The following PCCA variants were observed in gnomAD, a reference collection of about 807,000 sequenced individuals.
The protein encoded by PCCA is propionyl-CoA carboxylase subunit alpha.
PCCA carries 74 observed loss-of-function variants against 101.3 expected under a neutral mutation model. That is an observed-to-expected ratio of 0.73 (90% confidence interval 0.61 to 0.89). The LOEUF is 0.89. PCCA is among the 40% of genes least tolerant of loss of function. The pLI is 0.00. For synonymous variants in PCCA, 294 were observed against 313.6 expected (o/e 0.94, Z 0.66); for missense variants, 891 against 907.0 (o/e 0.98, Z 0.23).
chr13:100,429,950 A>G (rs377643676), intron 20 of PCCA, among the ~76,000 whole-genome samples: 3 of 152,024 alleles, frequency 2.0e-5, no homozygotes, highest in South Asian at 2.1e-4. Context: ...GAATGACCCA[A>G]TGAAAACCTG....
At chr13:100,502,924 G>A (rs2085786216) in intron 21 of PCCA, among the ~76,000 whole-genome samples, 1 of 152,238 alleles carries the variant, frequency 6.6e-6, no homozygotes, top group Non-Finnish European at 1.5e-5. Context: ...TTTCAGTGCA[G>A]CGTTGGGAAA....
intron 19 of PCCA, among the ~76,000 whole-genome samples, chr13:100,399,685 A>G (rs1014923447): frequency 2.6e-5 from 4 of 152,216 alleles, no homozygotes; most frequent in Non-Finnish European, 5.9e-5. Flanking sequence ...GAGAACTTGA[A>G]TGGTAATAAG....
chr13:100,237,975 GT>G (rs2060906140), intron 8 of PCCA, among the ~76,000 whole-genome samples: 1 of 114,726 alleles, frequency 8.7e-6, no homozygotes, highest in Non-Finnish European at 1.7e-5. Flanking sequence ...TTTCACTCTT[GT>G]TGCCCAGGTT....
chr13:100,368,740 A>T (rs923466142), intron 19 of PCCA, among the ~76,000 whole-genome samples, 166 bp downstream of exon 19: 1 of 152,090 alleles, frequency 6.6e-6, no homozygotes, highest in South Asian at 2.1e-4. Context: ...TTGTTCTCTT[A>T]TGCTTATTAG....
chr13:100,346,650 G>A (rs955037597), intron 18 of PCCA, among the ~76,000 whole-genome samples: 1 of 152,206 alleles, frequency 6.6e-6, no homozygotes, highest in Non-Finnish European at 1.5e-5. Context: ...AAGTTCTACT[G>A]TGGGAAAAAT....
At chr13:100,492,735 C>T (rs754884881) in intron 21 of PCCA, among the ~76,000 whole-genome samples, 7 of 150,712 alleles carry the variant, frequency 4.6e-5, no homozygotes, top group Non-Finnish European at 8.8e-5. Flanking sequence ...CCAGGCTCCA[C>T]AAGCAGAAGA....
At position 100,159,084 on chromosome 13, in the gene PCCA, C is replaced by CT. The variant is rs11350199; in HGVS notation, c.468+1771dup. Among the ~76,000 whole-genome samples the CT allele has an allele frequency of 3.1e-4, 18 of 58,192 alleles. 1 individual carries two copies. The highest frequency in any genetic ancestry group is 5.8e-4 in the East Asian group (1 of 1,710). The allele number at this position is 58,192 out of a possible 152,430, so 38.2% of individuals were successfully genotyped here. A position where few individuals can be genotyped will look rare whatever the true frequency, so the allele number is the denominator to read the frequency against. On this transcript the variant is annotated intron_variant, in intron 6 of 23. Transcript: ENST00000376285. ...TTTTCAGTTATTAAAAAAATGCTGCCTTTTTTTTTTTTTTTTTTTTTTTTT... is the reference window on the plus strand; with the variant it reads ...TTTTCAGTTATTAAAAAAATGCTGCCTTTTTTTTTTTTTTTTTTTTTTTTTT...
At chr13:100,227,216 A>G (rs994978341) in intron 7 of PCCA, among the ~76,000 whole-genome samples, 2 of 151,850 alleles carry the variant, frequency 1.3e-5, no homozygotes, top group Non-Finnish European at 2.9e-5. Context: ...ACCTCAGGTG[A>G]TCCGCCTGCC....
Position 100,340,240 on chromosome 13 carries a change from C to T in PCCA, c.1624C>T (p.His542Tyr), listed in dbSNP as rs1057290314. The T allele has an allele frequency of 6.3e-7, 1 of 1,591,180 alleles. No homozygotes were observed. The highest frequency in any genetic ancestry group is 8.6e-7 in the Non-Finnish European group (1 of 1,159,338). ...TGTGGCATTCCAGTTAAGAGCACAA[C>T]ATTTTCAAGAAAATTCAAGGTATGG... ...LFVAFQLRAQ[H>Y]FQENSRMPVI... Residue 542 changes from histidine (H) to tyrosine (Y), a missense_variant, in exon 18 of 24, where the codon CAT (histidine) becomes TAT (tyrosine). Transcript: ENST00000376285.
At chr13:100,519,954 A>G (rs1478600163) in intron 22 of PCCA, among the ~76,000 whole-genome samples, 3 of 152,240 alleles carry the variant, frequency 2.0e-5, no homozygotes, top group Admixed American at 2.0e-4. Context: ...TACAATCACA[A>G]AATAATTGCA....
At chr13:100,368,181 GGC>G (rs2075334180) in intron 18 of PCCA, among the ~76,000 whole-genome samples, 1 of 151,660 alleles carries the variant, frequency 6.6e-6, no homozygotes, top group South Asian at 2.1e-4. Flanking sequence ...TTTAAGGCAT[GGC>G]ATACTTACTT....
intron 18 of PCCA, among the ~76,000 whole-genome samples, chr13:100,365,744 A>G (rs898727384): frequency 3.9e-5 from 6 of 152,354 alleles, no homozygotes; most frequent in East Asian, 1.9e-4. Flanking sequence ...AGCCGGGACA[A>G]CTACTCATAA....
At chr13:100,482,278 G>A (rs956425167) in intron 21 of PCCA, among the ~76,000 whole-genome samples, 11 of 152,218 alleles carry the variant, frequency 7.2e-5, no homozygotes, top group Non-Finnish European at 1.6e-4. Context: ...GAAGGCAGTA[G>A]CCAGGAGGGA....
Position 100,163,298 on chromosome 13 carries a change from A to G in PCCA, c.468+5958A>G, listed in dbSNP as rs533016930. Among the ~76,000 whole-genome samples, 5 of 152,272 alleles carry G rather than the reference A, an allele frequency of 3.3e-5. 1 individual carries two copies. Among genetic ancestry groups the G allele is most frequent in the East Asian group, 1.9e-4 (1 of 5,182 alleles). On this transcript the variant is annotated intron_variant, in intron 6 of 23. Transcript: ENST00000376285. ...TCTCTCCTTACTGCCCTATGTATCT[A>G]TTAGCTCATTCTGGAGTCAGAATGA...
Position 100,143,390 on chromosome 13 carries a change from C to A in PCCA, c.301-11589C>A, listed in dbSNP as rs1036940899. Among the ~76,000 whole-genome samples, 4 of 151,766 alleles carry A rather than the reference C, an allele frequency of 2.6e-5. No individual in the cohort carries two copies. The South Asian group carries it at 8.3e-4, about 32-fold the overall frequency. ...TACTAAAAATACAAAAAAAAATTAG[C>A]TAGCTGTGGTGGTGCACGCCTGTAG... On this transcript the variant is annotated intron_variant, in intron 4 of 23. Transcript: ENST00000376285.
chr13:100,131,154 A>G (rs1178844046), intron 4 of PCCA, among the ~76,000 whole-genome samples: 1 of 152,118 alleles, frequency 6.6e-6, no homozygotes. Context: ...TGGCTTAAGT[A>G]GGGAAAGTTC....
At chr13:100,207,518 T>A (rs2058934866) in intron 6 of PCCA, among the ~76,000 whole-genome samples, 1 of 151,922 alleles carries the variant, frequency 6.6e-6, no homozygotes, top group Non-Finnish European at 1.5e-5. Context: ...GTAGCTGGGA[T>A]TACAGGCGCA....
chr13:100,350,405 A>G (rs1020117015), intron 18 of PCCA, among the ~76,000 whole-genome samples: 2 of 152,234 alleles, frequency 1.3e-5, no homozygotes, highest in African/African-American at 2.4e-5. Context: ...TGTGTTTGGA[A>G]ATAGCTACGT....
Position 100,515,557 on chromosome 13 carries a change from C to G in PCCA, c.2030C>G (p.Pro677Arg), listed in dbSNP as rs372051167. 2 of 1,613,892 alleles carry G rather than the reference C, an allele frequency of 1.2e-6. No individual in the cohort carries two copies. The highest frequency in any genetic ancestry group is 1.7e-5 in the Admixed American group (1 of 60,024). The change falls in exon 22 of 24, where the codon CCT (proline) becomes CGT (arginine). Residue 677 changes from proline to arginine, a missense_variant. Physicochemically the swap from Pro to Arg is moderately radical, Grantham distance 103 (BLOSUM62 -2). Transcript: ENST00000376285. ...PGVVVAVSVK[P>R]GDAVAEGQEI... ...GTGGTGGTGGCCGTCTCTGTCAAGCCTGGAGACGCGGTAAGGGCTGTGTGT... is the reference window on the plus strand; with the variant it reads ...GTGGTGGTGGCCGTCTCTGTCAAGCGTGGAGACGCGGTAAGGGCTGTGTGT...
Sources: gnomAD v4.1 joint callset for allele counts (sites outside exome capture counted in the v4.1 genomes callset) on GRCh38, gnomAD v4.1.1 for gene constraint, MANE v1.5 for transcripts, NCBI Gene and HGNC (gene_info 2026-07-23, HGNC 2026-07-21) for gene names.